MAD1L1: variants seen among roughly 807,000 people sequenced by gnomAD.
MAD1L1 encodes mitotic arrest deficient 1 like 1, also known as mitotic spindle assembly checkpoint protein MAD1.
MAD1L1 carries 95 observed loss-of-function variants against 96.9 expected under a neutral mutation model. The ratio of observed to expected loss-of-function variants is 0.98; its 90% CI spans 0.83 to 1.16. The LOEUF (loss-of-function observed/expected upper bound fraction) is 1.16, where lower values mean the gene tolerates loss of function less well. MAD1L1 is among the 50% of genes most tolerant of loss of function. MAD1L1 has a pLI of 0.00. For synonymous variants in MAD1L1, 473 were observed against 396.6 expected, an observed-to-expected ratio of 1.19 and a Z score of -2.29; for missense variants, 1,007 against 954.4, an observed-to-expected ratio of 1.06 and a Z score of -0.73.
chr7:1,948,716 G>A (rs73290589), intron 16 of MAD1L1, among the ~76,000 whole-genome samples: 3,339 of 152,150 alleles, frequency 0.022, 103 homozygotes, highest in African/African-American at 0.064. Context: ...CAGGGAAGAC[G>A]GCATGTGAGA....
chr7:1,818,767 C>T (rs577845265), intron 18 of MAD1L1, among the ~76,000 whole-genome samples: 6 of 152,006 alleles, frequency 3.9e-5, no homozygotes, highest in Non-Finnish European at 8.8e-5. Context: ...GTAGGCCGGG[C>T]AACCCACTCA....
At chr7:2,188,348 C>T (rs2128605072) in intron 10 of MAD1L1, among the ~76,000 whole-genome samples, 1 of 152,298 alleles carries the variant, frequency 6.6e-6, no homozygotes, top group East Asian at 1.9e-4. Flanking sequence ...TCCTAAAATT[C>T]ATATGGAATC....
At chr7:1,917,235 C>G (rs575403610) in intron 17 of MAD1L1, among the ~76,000 whole-genome samples, 1 of 152,318 alleles carries the variant, frequency 6.6e-6, no homozygotes, top group African/African-American at 2.4e-5. Context: ...TGGAGCCACC[C>G]GCCCTGCACT....
intron 18 of MAD1L1, chr7:1,848,365 G>C (rs1464736822): frequency 6.5e-6 from 1 of 154,412 alleles, no homozygotes; most frequent in African/African-American, 2.4e-5. Context: ...CGGGGTCTCA[G>C]GCCAATGGAA....
At chr7:2,214,948 T>C (rs761918382) in intron 9 of MAD1L1, among the ~76,000 whole-genome samples, 7 of 152,048 alleles carry the variant, frequency 4.6e-5, no homozygotes, top group Non-Finnish European at 7.4e-5. Context: ...ACAACACAAA[T>C]TGGTGCGGCA....
Position 2,159,861 on chromosome 7 carries a change from G to A in MAD1L1, c.987-10623C>T, listed in dbSNP as rs142568171. On this transcript the variant is annotated intron_variant, in intron 10 of 18. Coordinates refer to ENST00000265854, the MANE Select transcript of MAD1L1 (RefSeq NM_001013836.2). Reference sequence around the variant, plus strand: ...AGTGCTAAATACAGACACAAGAAGCGGACTATAAGTATGCTATGCTGCCGT... The same window carrying A: ...AGTGCTAAATACAGACACAAGAAGCAGACTATAAGTATGCTATGCTGCCGT... Among the ~76,000 whole-genome samples the A allele has an allele frequency of 2.2e-4, 34 of 152,314 alleles. 1 individual carries two copies. The highest frequency in any genetic ancestry group is 1.6e-3 in the Admixed American group (24 of 15,308).
intron 12 of MAD1L1, among the ~76,000 whole-genome samples, chr7:2,039,150 T>C (rs1783569875): frequency 6.6e-6 from 1 of 152,250 alleles, no homozygotes. Flanking sequence ...ACTGGGCTCT[T>C]CGCTCCGCTA....
At chr7:2,007,941 G>A (rs1782107610) in intron 13 of MAD1L1, among the ~76,000 whole-genome samples, 2 of 152,220 alleles carry the variant, frequency 1.3e-5, no homozygotes, top group South Asian at 4.1e-4. Context: ...CAAAAGCTCT[G>A]TGCTCAGTCA....
At chr7:1,862,482 G>C (rs1284033649) in intron 18 of MAD1L1, among the ~76,000 whole-genome samples, 1 of 152,292 alleles carries the variant, frequency 6.6e-6, no homozygotes, top group East Asian at 1.9e-4. Context: ...CTGCAGCAGG[G>C]CCGACCTGGA....
intron 3 of MAD1L1, among the ~76,000 whole-genome samples, chr7:2,227,494 G>C (rs1793963735): frequency 6.6e-6 from 1 of 152,202 alleles, no homozygotes; most frequent in South Asian, 2.1e-4. Flanking sequence ...GGCGTCCAGG[G>C]GGTAGAGGCC....
chr7:2,133,655 C>T (rs1211160980), intron 11 of MAD1L1, among the ~76,000 whole-genome samples: 1 of 152,212 alleles, frequency 6.6e-6, no homozygotes, highest in Non-Finnish European at 1.5e-5. Context: ...CCGCCGCTAT[C>T]TTCTAGGAGT....
At chr7:2,179,394 G>A (rs1259266892) in intron 10 of MAD1L1, among the ~76,000 whole-genome samples, 2 of 152,106 alleles carry the variant, frequency 1.3e-5, no homozygotes, top group Non-Finnish European at 2.9e-5. Flanking sequence ...CGGGCATGGT[G>A]GCGCATGCCT....
chr7:1,878,741 C>CT (rs1375855572), intron 18 of MAD1L1, among the ~76,000 whole-genome samples: 2 of 142,640 alleles, frequency 1.4e-5, no homozygotes, highest in African/African-American at 5.1e-5. Flanking sequence ...TCCCCCCCCC[C>CT]CCATTCTTAT....
rs1271699234 is a variant in MAD1L1, at chr7:2,222,577, C to T, written c.469G>A (p.Glu157Lys). ...EKEDSLAQAGETINALKGRIS... is the reference protein window; with the variant it reads ...EKEDSLAQAGKTINALKGRIS... ...TGCGCAGCAGAGGCCCCGCTCACCT[C>T]GCCAGCCTGGGCCAGACTGTCCTCT... The change falls in exon 5 of 19, where the codon GAG (glutamate) becomes AAG (lysine). Residue 157 changes from glutamate (E) to lysine (K), a missense_variant and splice_region_variant. Coordinates refer to ENST00000265854, the MANE Select transcript of MAD1L1 (RefSeq NM_001013836.2). 8.1e-6 allele frequency: 13 copies of T among 1,595,734 alleles called. No homozygotes were observed. Among genetic ancestry groups the T allele is most frequent in the South Asian group, 3.4e-5 (3 of 89,328 alleles).
chr7:2,224,261 G>A (rs957462327), intron 4 of MAD1L1, among the ~76,000 whole-genome samples: 9 of 152,108 alleles, frequency 5.9e-5, no homozygotes, highest in Admixed American at 5.9e-4. Context: ...TGACCTGGTG[G>A]CTCCTCTCCA....
At chr7:2,053,529 G>C (rs897540380) in intron 12 of MAD1L1, among the ~76,000 whole-genome samples, 3 of 152,256 alleles carry the variant, frequency 2.0e-5, no homozygotes, top group Non-Finnish European at 4.4e-5. Context: ...CCGGGAAGTA[G>C]AGAAGCTGTG....
intron 10 of MAD1L1, among the ~76,000 whole-genome samples, chr7:2,188,521 C>T (rs1791566674): frequency 6.6e-6 from 1 of 152,114 alleles, no homozygotes; most frequent in African/African-American, 2.4e-5. Flanking sequence ...CAGTAGAGAT[C>T]CCAGAAATAA....
intron 12 of MAD1L1, among the ~76,000 whole-genome samples, chr7:2,047,635 G>A (rs1288012376): frequency 6.6e-6 from 1 of 152,230 alleles, no homozygotes; most frequent in Non-Finnish European, 1.5e-5. Context: ...ATGCATAAAA[G>A]AACCAGTGTT....
At chr7:2,216,378 C>T (rs1424561271) in intron 7 of MAD1L1, 91 bp from the exon 8 acceptor site, 5 of 1,309,888 alleles carry the variant, frequency 3.8e-6, no homozygotes, top group East Asian at 2.5e-5. Context: ...AGAAGGAAGC[C>T]GGTCTGCAAC....
Sources: gnomAD v4.1 joint callset for allele counts (sites outside exome capture counted in the v4.1 genomes callset) on GRCh38, gnomAD v4.1.1 for gene constraint, MANE v1.5 for transcripts, NCBI Gene and HGNC (gene_info 2026-07-23, HGNC 2026-07-21) for gene names.